Variants in SEC23B observed in about 807,000 individuals in gnomAD.
SEC23B encodes protein transport protein Sec23B.
SEC23B carries 77 observed loss-of-function variants against 104.3 expected under a neutral mutation model. That is an observed-to-expected ratio of 0.74 (90% CI 0.61 to 0.89). The LOEUF is 0.89. Ranked by LOEUF, SEC23B falls within the 40% of genes least tolerant of loss-of-function variation. SEC23B has a pLI of 0.00. For missense variants in SEC23B, 885 were observed against 949.4 expected (o/e 0.93, Z 0.89); for synonymous variants, 338 against 332.5 (o/e 1.02, Z -0.18).
At position 18,556,325 on chromosome 20, in the gene SEC23B, T is replaced by TGCTACACC. The variant is rs879740323; in HGVS notation, c.2214+1152_2214+1153insGCTACACC. ...TATATGCAAATGCTACACCATTTTG[T>TGCTACACC]ATTAGGGACTTGAGCATTTGTGGAT... On this transcript the variant is annotated intron_variant, in intron 19 of 19. Transcript: ENST00000650089. 6.2e-3 allele frequency among the ~76,000 whole-genome samples: 944 copies of TGCTACACC among 152,292 alleles called. 12 individuals carry two copies. Among genetic ancestry groups the TGCTACACC allele is most frequent in the African/African-American group, 0.022 (904 of 41,558 alleles).
chr20:18,523,372 TTCTC>T (rs1431514190), intron 4 of SEC23B, among the ~76,000 whole-genome samples: 1 of 151,348 alleles, frequency 6.6e-6, no homozygotes, highest in Non-Finnish European at 1.5e-5. Flanking sequence ...TTCTTTTTCT[TTCTC>T]TTTCTTTGTT....
chr20:18,513,630 A>AAG (rs1305122664), intron 3 of SEC23B, among the ~76,000 whole-genome samples: 2 of 152,248 alleles, frequency 1.3e-5, no homozygotes, highest in Non-Finnish European at 2.9e-5. Flanking sequence ...TCTAGTGATG[A>AAG]AGAGGACAGT....
chr20:18,527,372 T>C (rs2060142993), intron 8 of SEC23B, 124 bp from the exon 9 acceptor site: 3 of 746,486 alleles, frequency 4.0e-6, no homozygotes, highest in African/African-American at 1.7e-5. Flanking sequence ...AGAGAGACTC[T>C]GTCACAAAAA....
At chr20:18,542,666 G>A (rs2060298279) in intron 13 of SEC23B, among the ~76,000 whole-genome samples, 3 of 152,130 alleles carry the variant, frequency 2.0e-5, no homozygotes, top group South Asian at 4.2e-4. Context: ...AGACAGTCTC[G>A]CTCTGTTGCC....
At chr20:18,515,936 G>T in intron 4 of SEC23B, 200 bp downstream of exon 4, 1 of 577,858 alleles carries the variant, frequency 1.7e-6, no homozygotes, top group South Asian at 1.9e-5. Context: ...TAAAAAGGTA[G>T]AACTGATTAA....
intron 1 of SEC23B, 23 bp from the exon 2 acceptor site, chr20:18,510,799 G>A (rs368833951): frequency 1.3e-6 from 2 of 1,527,856 alleles, no homozygotes; most frequent in African/African-American, 1.4e-5. Flanking sequence ...ATACCATTAA[G>A]GTAATTAAAG....
chr20:18,516,030 T>C (rs2060021523), intron 4 of SEC23B: 1 of 377,924 alleles, frequency 2.6e-6, no homozygotes, highest in South Asian at 2.3e-5. Context: ...AACCTTAGAC[T>C]TATCCTTGAC....
chr20:18,546,148 GA>G, intron 15 of SEC23B, 115 bp downstream of exon 15: 3 of 709,380 alleles, frequency 4.2e-6, no homozygotes, highest in South Asian at 3.1e-5. Context: ...GTCTGTAGGT[GA>G]CAGAGATTGT....
chr20:18,509,135 C>G (rs1004940862), intron 1 of SEC23B, among the ~76,000 whole-genome samples: 2 of 152,204 alleles, frequency 1.3e-5, no homozygotes, highest in Non-Finnish European at 2.9e-5. Flanking sequence ...CTTTAGTTAT[C>G]CCTTTGCTTC....
chr20:18,521,739 T>G (rs2060085782), intron 4 of SEC23B, among the ~76,000 whole-genome samples: 2 of 151,804 alleles, frequency 1.3e-5, no homozygotes, highest in South Asian at 4.2e-4. Flanking sequence ...AGAAAAGGAT[T>G]AAAAGGACTT....
chr20:18,523,462 G>T (rs2060104710), intron 4 of SEC23B, among the ~76,000 whole-genome samples: 2 of 142,188 alleles, frequency 1.4e-5, no homozygotes, highest in Non-Finnish European at 3.0e-5. Flanking sequence ...GAGTGCAATG[G>T]CACGATCTCA....
At chr20:18,514,344 C>T (rs575038215) in intron 3 of SEC23B, among the ~76,000 whole-genome samples, 3 of 152,090 alleles carry the variant, frequency 2.0e-5, no homozygotes, top group Non-Finnish European at 4.4e-5. Flanking sequence ...AGTCATAGAT[C>T]GAGCTTATCC....
In SEC23B at chr20:18,535,711, C is replaced by T; in HGVS notation, c.1373C>T (p.Thr458Ile). ...WKICGLDPTS[T>I]LGIYFEVVNQ... The stretch of plus-strand genomic sequence containing the variant: ...ATCTGTGGCCTAGATCCTACATCTA[C>T]ACTTGGCATCTATTTTGAAGTTGTC... The change falls in exon 12 of 20, where the codon ACA (threonine) becomes ATA (isoleucine). Residue 458 changes from threonine to isoleucine, a missense_variant. Transcript: ENST00000650089. 3 of 1,614,020 alleles carry T rather than the reference C, an allele frequency of 1.9e-6. No individual in the cohort carries two copies. The highest frequency in any genetic ancestry group is 1.1e-5 in the South Asian group (1 of 91,076).
intron 19 of SEC23B, among the ~76,000 whole-genome samples, chr20:18,555,835 C>T (rs2060432672): frequency 6.6e-6 from 1 of 151,988 alleles, no homozygotes; most frequent in Non-Finnish European, 1.5e-5. Flanking sequence ...TCAAGATGTG[C>T]AGCATTTCCA....
At chr20:18,530,566 C>G in intron 9 of SEC23B, 114 bp from the exon 10 acceptor site, 1 of 1,245,786 alleles carries the variant, frequency 8.0e-7, no homozygotes, top group Non-Finnish European at 1.1e-6. Context: ...ATCAGTGGCT[C>G]TTTTGGGGAC....
chr20:18,526,703 T>G (rs530521552), intron 8 of SEC23B, among the ~76,000 whole-genome samples, 172 bp downstream of exon 8: 40 of 152,334 alleles, frequency 2.6e-4, no homozygotes, highest in African/African-American at 7.9e-4. Flanking sequence ...CTTTCAGACC[T>G]TAATTAGAGT....
intron 1 of SEC23B, 99 bp from the exon 2 acceptor site, chr20:18,510,723 A>G (rs2059973775): frequency 1.0e-6 from 1 of 955,852 alleles, no homozygotes. Flanking sequence ...CTGAGATGGG[A>G]AAAAAAGAGA....
Position 18,561,200 on chromosome 20 carries a change from G to C in SEC23B, c.*460G>C, listed in dbSNP as rs1300809311. 1 of 208,894 alleles carries C rather than the reference G, an allele frequency of 4.8e-6. No individual in the cohort carries two copies. The highest frequency in any genetic ancestry group is 2.4e-5 in the African/African-American group (1 of 42,248). The allele number at this position is 208,894 out of a possible 1,614,324, so 12.9% of individuals were successfully genotyped here. A position where few individuals can be genotyped will look rare whatever the true frequency, so the allele number is the denominator to read the frequency against. On this transcript the variant is annotated 3_prime_UTR_variant, in exon 20 of 20. Coordinates refer to ENST00000650089, the MANE Select transcript of SEC23B (RefSeq NM_006363.6). ...CCTGAACCTAATTCTCATAATTAAAGTAATGTATATGCAGGATCAAAATGA... is the reference window on the plus strand; with the variant it reads ...CCTGAACCTAATTCTCATAATTAAACTAATGTATATGCAGGATCAAAATGA...
rs1170625758 is a variant in SEC23B at position 18,533,748 on chromosome 20, G to T, written c.1314+1004G>T. Among the ~76,000 whole-genome samples, 3 of 152,184 alleles carry T rather than the reference G, an allele frequency of 2.0e-5. No homozygotes were observed. The South Asian group carries it at 6.2e-4, about 32-fold the overall frequency. ...TTCCTGTAGCCTTCTGAGTGAGGCA[G>T]ATTGCTGCCCTAAAGCCCATCTGAT... is the stretch of plus-strand genomic sequence containing the variant. On this transcript the variant is annotated intron_variant, in intron 11 of 19. Coordinates refer to ENST00000650089, the MANE Select transcript of SEC23B (RefSeq NM_006363.6).
Sources: gnomAD v4.1 joint callset for allele counts (sites outside exome capture counted in the v4.1 genomes callset) on GRCh38, gnomAD v4.1.1 for gene constraint, MANE v1.5 for transcripts, NCBI Gene and HGNC (gene_info 2026-07-23, HGNC 2026-07-21) for gene names.